Variants in HEATR5B observed in about 807,000 individuals in gnomAD.
HEATR5B encodes HEAT repeat-containing protein 5B.
Under a neutral mutation model 224.1 loss-of-function variants are expected in HEATR5B, and 156 were observed. The observed-to-expected ratio is 0.70, with a 90% CI of 0.61 to 0.80. The LOEUF is 0.80. Ranked by LOEUF, HEATR5B falls within the 30% of genes least tolerant of loss-of-function variation. HEATR5B has a pLI of 0.00. For synonymous variants in HEATR5B, 1,027 were observed against 893.0 expected (o/e 1.15, Z -2.68); for missense variants, 2,323 against 2,535.5 (o/e 0.92, Z 1.80).
intron 5 of HEATR5B, among the ~76,000 whole-genome samples, chr2:37,074,443 T>A (rs1287462286): frequency 6.6e-6 from 1 of 150,844 alleles, no homozygotes; most frequent in Non-Finnish European, 1.5e-5. Flanking sequence ...GGATCACATA[T>A]CTAAGTATAA....
intron 26 of HEATR5B, among the ~76,000 whole-genome samples, chr2:37,018,883 A>G (rs1022286420): frequency 2.0e-5 from 3 of 152,160 alleles, no homozygotes; most frequent in African/African-American, 7.2e-5. Context: ...TTTTTGGGGC[A>G]GGGTGTGGTG....
At chr2:36,994,893 G>A (rs1666585009) in intron 33 of HEATR5B, among the ~76,000 whole-genome samples, 1 of 151,722 alleles carries the variant, frequency 6.6e-6, no homozygotes, top group African/African-American at 2.4e-5. Flanking sequence ...TGGGATTACA[G>A]GTGCCTGCCA....
chr2:37,052,481 A>G (rs544726189), intron 17 of HEATR5B, among the ~76,000 whole-genome samples: 4 of 152,246 alleles, frequency 2.6e-5, no homozygotes, highest in African/African-American at 4.8e-5. Context: ...ACTAACACAA[A>G]TTCCTTTTTC....
intron 33 of HEATR5B, among the ~76,000 whole-genome samples, chr2:36,997,445 T>C (rs1366585675): frequency 6.6e-6 from 1 of 152,126 alleles, no homozygotes; most frequent in East Asian, 1.9e-4. Flanking sequence ...TGTCTCAGCC[T>C]CCCAAAGGGC....
At chr2:37,038,404 T>C (rs1021240262) in intron 20 of HEATR5B, among the ~76,000 whole-genome samples, 11 of 152,288 alleles carry the variant, frequency 7.2e-5, no homozygotes, top group African/African-American at 2.4e-4. Flanking sequence ...CCTCCCAAAG[T>C]GCTGGGATTA....
At chr2:37,001,478 G>C (rs1558712276) in intron 32 of HEATR5B, among the ~76,000 whole-genome samples, 1 of 152,056 alleles carries the variant, frequency 6.6e-6, no homozygotes, top group African/African-American at 2.4e-5. Context: ...CGTGAGTTGA[G>C]CTGAAATTTA....
chr2:37,068,581 A>C, intron 8 of HEATR5B, 100 bp downstream of exon 8: 1 of 1,271,776 alleles, frequency 7.9e-7, no homozygotes, highest in Non-Finnish European at 1.1e-6. Context: ...GAAAACACAC[A>C]GAAAGATAAA....
At chr2:36,989,174 C>T (rs577219377) in intron 34 of HEATR5B, among the ~76,000 whole-genome samples, 1 of 152,286 alleles carries the variant, frequency 6.6e-6, no homozygotes, top group African/African-American at 2.4e-5. Context: ...CAATCTCTGC[C>T]TCCCGGGTTC....
chr2:37,083,337 G>C lies in HEATR5B; in HGVS notation c.78C>G (p.Ile26Met), dbSNP rs764689790. 1 of 1,614,040 alleles carries C rather than the reference G, an allele frequency of 6.2e-7. No homozygotes were observed. The highest frequency in any genetic ancestry group is 8.5e-7 in the Non-Finnish European group (1 of 1,179,968). Residue 26 changes from isoleucine to methionine, a missense_variant, in exon 2 of 36, where the codon ATC (isoleucine) becomes ATG (methionine). Ile to Met is a conservative substitution (Grantham distance 10). Transcript: ENST00000233099. Reference protein sequence around the residue: ...QITEAKRPVFIFEWLRFLDKV... With the variant: ...QITEAKRPVFMFEWLRFLDKV... The stretch of plus-strand genomic sequence containing the variant: ...TATCAAGAAATCGCAACCATTCAAA[G>C]ATGAAAACTGGTCTTTTTGCTTCGG...
At chr2:37,007,972 T>C (rs1289732825) in intron 28 of HEATR5B, among the ~76,000 whole-genome samples, 1 of 152,246 alleles carries the variant, frequency 6.6e-6, no homozygotes, top group Non-Finnish European at 1.5e-5. Context: ...CCTCTGTTTC[T>C]TTCTTCTTCT....
chr2:37,044,263 C>T (rs1670050856), intron 18 of HEATR5B, among the ~76,000 whole-genome samples: 1 of 152,224 alleles, frequency 6.6e-6, no homozygotes, highest in South Asian at 2.1e-4. Flanking sequence ...GCCTTAGGTC[C>T]CTTTGTTGTC....
intron 12 of HEATR5B, among the ~76,000 whole-genome samples, chr2:37,059,374 T>C (rs1402699625): frequency 6.7e-6 from 1 of 148,262 alleles, no homozygotes; most frequent in Non-Finnish European, 1.5e-5. Context: ...ATATTAAATA[T>C]ATTTTTGCAA....
At chr2:37,066,556 T>A (rs1472971967) in intron 8 of HEATR5B, among the ~76,000 whole-genome samples, 1 of 152,236 alleles carries the variant, frequency 6.6e-6, no homozygotes, top group African/African-American at 2.4e-5. Flanking sequence ...TTCCCATTAA[T>A]TAACCTTGCT....
intron 4 of HEATR5B, chr2:37,075,854 T>C (rs960177968): frequency 1.2e-5 from 4 of 330,168 alleles, no homozygotes; most frequent in Non-Finnish European, 2.2e-5. Flanking sequence ...TTTAAGTAAA[T>C]ATATTCCAAT....
intron 35 of HEATR5B, among the ~76,000 whole-genome samples, chr2:36,985,779 T>C (rs961404052): frequency 3.5e-4 from 54 of 152,200 alleles, no homozygotes; most frequent in African/African-American, 1.2e-3. Context: ...GTGCTGATCA[T>C]TGCTACACCT....
chr2:37,052,526 C>T (rs1670626051), intron 17 of HEATR5B, among the ~76,000 whole-genome samples: 1 of 152,208 alleles, frequency 6.6e-6, no homozygotes, highest in Non-Finnish European at 1.5e-5. Flanking sequence ...ATTTGTTCTT[C>T]CTGTAGATCT....
At position 37,038,023 on chromosome 2, in the gene HEATR5B, C is replaced by T. The variant is rs896790131; in HGVS notation, c.3048G>A (p.Gly1016=). Residue 1016 remains glycine (G), a splice_region_variant and synonymous_variant, in exon 21 of 36, where the codon GGG becomes GGA. Coordinates refer to ENST00000233099, the MANE Select transcript of HEATR5B (RefSeq NM_019024.3). ...GAATTGTAGAAGTTGTTGCTCCATT[C>T]CCTGGTGCAAAATGAAAGAAAATAT... ...IITTVGPELQ[G]NGATTSTIRS... 24 of 1,493,056 alleles carry T rather than the reference C, an allele frequency of 1.6e-5. No homozygotes were observed. The highest frequency in any genetic ancestry group is 2.1e-5 in the Non-Finnish European group (23 of 1,114,350). The allele number at this position is 1,493,056 out of a possible 1,614,324, so 92.5% of individuals were successfully genotyped here. A position where few individuals can be genotyped will look rare whatever the true frequency, so the allele number is the denominator to read the frequency against.
chr2:36,996,064 CTTTTTTT>C (rs371199948), intron 33 of HEATR5B, among the ~76,000 whole-genome samples: 5 of 137,424 alleles, frequency 3.6e-5, no homozygotes, highest in Non-Finnish European at 7.8e-5. Flanking sequence ...TAATGCAATT[CTTTTTTT>C]TTTTTTTTGA....
chr2:37,029,451 A>T (rs1668980647), intron 22 of HEATR5B, among the ~76,000 whole-genome samples: 1 of 151,406 alleles, frequency 6.6e-6, no homozygotes, highest in Non-Finnish European at 1.5e-5. Context: ...ATCACCTGAG[A>T]TCAGGAGTTC....
Sources: gnomAD v4.1 joint callset for allele counts (sites outside exome capture counted in the v4.1 genomes callset) on GRCh38, gnomAD v4.1.1 for gene constraint, MANE v1.5 for transcripts, NCBI Gene and HGNC (gene_info 2026-07-23, HGNC 2026-07-21) for gene names.